The following SLC44A1 variants were observed in gnomAD, a reference collection of about 807,000 sequenced individuals.
The protein encoded by SLC44A1 is choline transporter-like protein 1.
SLC44A1 carries 26 observed loss-of-function variants against 79.3 expected under a neutral mutation model. That is an observed-to-expected ratio of 0.33 (90% CI 0.24 to 0.46). The LOEUF is 0.46. Ranked by LOEUF, SLC44A1 falls within the 20% of genes least tolerant of loss-of-function variation. The pLI is 1.00. For synonymous variants in SLC44A1, 263 were observed against 286.2 expected (o/e 0.92, Z 0.82); for missense variants, 688 against 798.1 (o/e 0.86, Z 1.66).
chr9:105,339,209 T>C (rs1393124323), intron 4 of SLC44A1, among the ~76,000 whole-genome samples: 1 of 152,034 alleles, frequency 6.6e-6, no homozygotes, highest in Non-Finnish European at 1.5e-5. Context: ...AGTTAATATC[T>C]AGACTATCTG....
intron 11 of SLC44A1, among the ~76,000 whole-genome samples, chr9:105,366,021 C>A (rs1041855412): frequency 2.6e-5 from 4 of 152,184 alleles, no homozygotes; most frequent in African/African-American, 9.7e-5. Context: ...CTTTGTTCTC[C>A]ACTCTCATAA....
At chr9:105,278,500 G>A (rs1197242947) in intron 1 of SLC44A1, among the ~76,000 whole-genome samples, 1 of 152,056 alleles carries the variant, frequency 6.6e-6, no homozygotes, top group East Asian at 1.9e-4. Flanking sequence ...CACCCGCCTC[G>A]GCCTCCCGAA....
At position 105,343,079 on chromosome 9, in the gene SLC44A1, T is replaced by C. The variant is rs1193782369; in HGVS notation, c.407-5279T>C. Among the ~76,000 whole-genome samples, 4 of 152,006 alleles carry C rather than the reference T, an allele frequency of 2.6e-5. No homozygotes were observed. In the East Asian group the frequency reaches 7.7e-4, roughly 29 times the overall value. ...CTCAGTGCTAATAGTTCACATGGAA[T>C]TTTTATTACCGTTTCCATTATTCTT... On this transcript the variant is annotated intron_variant, in intron 4 of 15. Transcript: ENST00000374720.
intron 15 of SLC44A1, among the ~76,000 whole-genome samples, chr9:105,387,060 A>AAAAAAAAATATATATATATATATAT (rs34780893): frequency 2.6e-4 from 2 of 7,726 alleles, no homozygotes; most frequent in Non-Finnish European, 2.4e-4. Context: ...AAAAAAAAAA[A>AAAAAAAAATATATATATATATATAT]ATATATATAT....
At chr9:105,326,071 A>G (rs1308736482) in intron 3 of SLC44A1, among the ~76,000 whole-genome samples, 1 of 152,122 alleles carries the variant, frequency 6.6e-6, no homozygotes, top group African/African-American at 2.4e-5. Flanking sequence ...TTTATGTGAA[A>G]TGTTCTTTTT....
chr9:105,262,961 A>G (rs1829876225), intron 1 of SLC44A1, among the ~76,000 whole-genome samples: 1 of 152,256 alleles, frequency 6.6e-6, no homozygotes, highest in African/African-American at 2.4e-5. Context: ...AAAAGCTGAA[A>G]GGAGGTGGAG....
In SLC44A1 at chr9:105,355,377, G is replaced by A. The variant is rs181362279; in HGVS notation, c.501-835G>A. On this transcript the variant is annotated intron_variant, in intron 5 of 15. Coordinates refer to ENST00000374720, the MANE Select transcript of SLC44A1 (RefSeq NM_080546.5). ...GCCTAATATAAATGACTAAGTAATTGGTTATTTTACATCTTTTTAGACACA... is the reference window on the plus strand; with the variant it reads ...GCCTAATATAAATGACTAAGTAATTAGTTATTTTACATCTTTTTAGACACA... 1.3e-4 allele frequency among the ~76,000 whole-genome samples: 20 copies of A among 152,166 alleles called. No homozygotes were observed. In the East Asian group the frequency reaches 3.7e-3, roughly 28 times the overall value.
chr9:105,359,939 A>G (rs2131406117), intron 7 of SLC44A1, among the ~76,000 whole-genome samples: 1 of 152,320 alleles, frequency 6.6e-6, no homozygotes, highest in African/African-American at 2.4e-5. Flanking sequence ...GTTGATGTAC[A>G]TCGACTTTGC....
intron 2 of SLC44A1, among the ~76,000 whole-genome samples, chr9:105,303,565 A>G (rs1025118384): frequency 1.8e-4 from 28 of 152,246 alleles, no homozygotes; most frequent in African/African-American, 5.8e-4. Flanking sequence ...TAATTCCCAC[A>G]CCTGCTCAAG....
intron 12 of SLC44A1, among the ~76,000 whole-genome samples, chr9:105,369,426 G>A (rs1451642465): frequency 3.3e-5 from 5 of 151,926 alleles, no homozygotes; most frequent in Non-Finnish European, 5.9e-5. Flanking sequence ...TTTAAATAAG[G>A]GCACTAATCC....
intron 15 of SLC44A1, among the ~76,000 whole-genome samples, chr9:105,418,419 G>A (rs1416105958): frequency 6.6e-6 from 1 of 151,984 alleles, no homozygotes; most frequent in Non-Finnish European, 1.5e-5. Context: ...TGCAACAGTA[G>A]TAATTGGCCA....
rs1260177977 is a variant in SLC44A1, at chr9:105,377,509, G to A, written c.1632+2774G>A. Among the ~76,000 whole-genome samples, 4 of 151,952 alleles carry A rather than the reference G, an allele frequency of 2.6e-5. No individual in the cohort carries two copies. The East Asian group carries it at 7.7e-4, about 29-fold the overall frequency. On this transcript the variant is annotated intron_variant, in intron 13 of 15. Transcript: ENST00000374720. ...CTCATGCCTATAATCCCAGCACTTT[G>A]GGAGGCCAAGGCGGGCAGATCACCT...
At position 105,245,866 on chromosome 9, in the gene SLC44A1, C is replaced by T. The variant is rs1019606960; in HGVS notation, c.36+962C>T. Among the ~76,000 whole-genome samples the T allele has an allele frequency of 3.3e-5, 5 of 152,172 alleles. No homozygotes were observed. In the South Asian group the frequency reaches 8.3e-4, roughly 25 times the overall value. On this transcript the variant is annotated intron_variant, in intron 1 of 15. Coordinates refer to ENST00000374720, the MANE Select transcript of SLC44A1 (RefSeq NM_080546.5). ...TACGAGGATCAAATGTAATAGAACT[C>T]GACTACTGGCCACTAATAACTGAGA...
intron 3 of SLC44A1, among the ~76,000 whole-genome samples, chr9:105,317,219 C>T (rs1814528996): frequency 6.6e-6 from 1 of 152,096 alleles, no homozygotes; most frequent in African/African-American, 2.4e-5. Flanking sequence ...GGGTCAGATT[C>T]TCAGTCTTGA....
intron 15 of SLC44A1, among the ~76,000 whole-genome samples, chr9:105,435,605 G>A (rs1287951753): frequency 6.6e-6 from 1 of 152,150 alleles, no homozygotes; most frequent in Non-Finnish European, 1.5e-5. Flanking sequence ...GTTAAGGCAG[G>A]AACTAGCTGT....
downstream of SLC44A1, among the ~76,000 whole-genome samples, chr9:105,398,934 T>C (rs1828921319): frequency 6.6e-6 from 1 of 152,020 alleles, no homozygotes; most frequent in Non-Finnish European, 1.5e-5. Context: ...GCTGATAAGC[T>C]AAGAAAAAAA....
At chr9:105,323,148 AGAGGTTGCAGT>A (rs1438428248) in intron 3 of SLC44A1, among the ~76,000 whole-genome samples, 1 of 148,914 alleles carries the variant, frequency 6.7e-6, no homozygotes, top group Non-Finnish European at 1.5e-5. Context: ...CCCAGGAGGC[AGAGGTTGCAGT>A]GAGCCGAGAT....
At chr9:105,275,409 T>C (rs2131239362) in intron 1 of SLC44A1, among the ~76,000 whole-genome samples, 1 of 152,354 alleles carries the variant, frequency 6.6e-6, no homozygotes, top group Middle Eastern at 3.4e-3. Flanking sequence ...TGAGTTTTTG[T>C]TGGTCATATT....
chr9:105,404,721 A>G (rs1829006475), intron 15 of SLC44A1, among the ~76,000 whole-genome samples: 1 of 152,198 alleles, frequency 6.6e-6, no homozygotes, highest in Non-Finnish European at 1.5e-5. Flanking sequence ...CCTAAAGGAG[A>G]CAGCATCGTA....
Sources: gnomAD v4.1 joint callset for allele counts (sites outside exome capture counted in the v4.1 genomes callset) on GRCh38, gnomAD v4.1.1 for gene constraint, MANE v1.5 for transcripts, NCBI Gene and HGNC (gene_info 2026-07-23, HGNC 2026-07-21) for gene names.